MAP10: variants seen among roughly 807,000 people sequenced by gnomAD.
MAP10 encodes microtubule associated protein 10.
Under a neutral mutation model 6.3 loss-of-function variants are expected in MAP10, and 10 were observed. That is an observed-to-expected ratio of 1.58 (90% confidence interval 0.98 to 2.69). The LOEUF (loss-of-function observed/expected upper bound fraction) is 2.69, where lower values mean the gene tolerates loss of function less well. Ranked by LOEUF, MAP10 falls within the 30% of genes most tolerant of loss-of-function variation. The pLI is 0.00. For missense variants in MAP10, 1,189 were observed against 1,086.5 expected, an observed-to-expected ratio of 1.09 and a Z score of -1.33; for synonymous variants, 459 against 429.3, an observed-to-expected ratio of 1.07 and a Z score of -0.86.
chr1:232,807,220 GA>G, the MAP10 span: 1 of 1,613,522 alleles, frequency 6.2e-7, no homozygotes, highest in Non-Finnish European at 8.5e-7. Flanking sequence ...CACAAGTAAA[GA>G]AACTAAACTG....
rs1045493473 is a variant in MAP10 at position 232,805,488 on chromosome 1, G to C, written c.39G>C (p.Glu13Asp). 6.3e-7 allele frequency: 1 copy of C among 1,584,362 alleles called. No individual in the cohort carries two copies. Among genetic ancestry groups the C allele is most frequent in the South Asian group, 1.1e-5 (1 of 87,780 alleles). The change falls in exon 1 of 1, where the codon GAG becomes GAC. Residue 13 changes from glutamate (E) to aspartate (D), a missense_variant. Transcript: ENST00000418460. ...TGTCCGAGCGGCTCTTCTCGCTGGA[G>C]CTGCTGGTGGACTGGGTGCGTTTGG... The part of the protein sequence containing the change: ...ASLSERLFSL[E>D]LLVDWVRLEA...
chr1:232,807,344 C>G lies in MAP10; in HGVS notation c.1895C>G (p.Pro632Arg), dbSNP rs756241535. 1.2e-6 allele frequency: 2 copies of G among 1,613,736 alleles called. No homozygotes were observed. The highest frequency in any genetic ancestry group is 2.2e-5 in the East Asian group (1 of 44,882). ...ANSIIPERLT[P>R]TNILGGNVEM... ...TCCATTATTCCAGAAAGGCTTACCC[C>G]TACAAATATTCTGGGAGGAAATGTG... The change falls in exon 1 of 1, where the codon CCT becomes CGT. Residue 632 changes from proline to arginine, a missense_variant. Pro to Arg is a moderately radical substitution (Grantham distance 103, BLOSUM62 -2). Transcript: ENST00000418460.
Position 232,808,646 on chromosome 1 carries a change from A to G in MAP10, c.*479A>G, listed in dbSNP as rs12058125. Among the ~76,000 whole-genome samples, 277 of 152,314 alleles carry G rather than the reference A, an allele frequency of 1.8e-3. 1 individual carries two copies. The highest frequency in any genetic ancestry group is 6.2e-3 in the African/African-American group (259 of 41,584). On this transcript the variant is annotated 3_prime_UTR_variant, in exon 1 of 1. Coordinates refer to ENST00000418460, the MANE Select transcript of MAP10 (RefSeq NM_019090.3). ...ATGTAGATAAGAAGTCTTCCTTGAC[A>G]TATACATATCCCATATCCCCAATAG...
rs745431629 is a variant in MAP10, at chr1:232,807,712, A to G, written c.2263A>G (p.Ser755Gly). ...SDTGVSKKKN[S>G]SDRSSILSPP... is the part of the protein sequence containing the mutation. ...CACAGGAGTGTCCAAAAAGAAAAAT[A>G]GTAGTGACAGGAGTTCTATCCTTAG... Residue 755 changes from serine (S) to glycine (G), a missense_variant, in exon 1 of 1, where the codon AGT (serine) becomes GGT (glycine). Transcript: ENST00000418460. 11 of 1,613,674 alleles carry G rather than the reference A, an allele frequency of 6.8e-6. No individual in the cohort carries two copies. Among genetic ancestry groups the G allele is most frequent in the Non-Finnish European group, 7.6e-6 (9 of 1,179,772 alleles).
chr1:232,808,045 GATAGCAGT>G, the MAP10 span: 1 of 1,612,944 alleles, frequency 6.2e-7, no homozygotes, highest in South Asian at 1.1e-5. Flanking sequence ...TAATGTCCTG[GATAGCAGT>G]ACATCAGATC....
chr1:232,808,082 A>G lies in MAP10; in HGVS notation c.2633A>G (p.Asp878Gly). 1 of 1,605,466 alleles carries G rather than the reference A, an allele frequency of 6.2e-7. No individual in the cohort carries two copies. The highest frequency in any genetic ancestry group is 1.1e-5 in the South Asian group (1 of 89,862). ...TCAGATCACTTTGAAGAAGGCAATG[A>G]TGATGTTGGTTCACTAAATATTTCC... ...STSDHFEEGNDDVGSLNISKQ... is the reference protein window; with the variant it reads ...STSDHFEEGNGDVGSLNISKQ... Residue 878 changes from aspartate (D) to glycine (G), a missense_variant, in exon 1 of 1, where the codon GAT becomes GGT. Transcript: ENST00000418460.
In MAP10 at chr1:232,806,128, C is replaced by CTTT. The variant is rs1666097538; in HGVS notation, c.679_680insTTT (p.Pro227delinsLeuSer). The CTTT allele has an allele frequency of 3.7e-6, 6 of 1,613,852 alleles. No individual in the cohort carries two copies. Among genetic ancestry groups the CTTT allele is most frequent in the Admixed American group, 1.7e-5 (1 of 60,006 alleles). Reference sequence around the variant, plus strand: ...GCAGCAGCCAGCCTCACAGCCAAGCCCAAAAGAGGCTGATAAGCCGCTGGG... The same window carrying CTTT: ...GCAGCAGCCAGCCTCACAGCCAAGCCTTTCAAAAGAGGCTGATAAGCCGCTGGG... On this transcript the variant is annotated protein_altering_variant, in exon 1 of 1. Transcript: ENST00000418460.
rs1666142933 is a variant in MAP10, at chr1:232,808,292, C to A, written c.*125C>A. On this transcript the variant is annotated 3_prime_UTR_variant, in exon 1 of 1. Transcript: ENST00000418460. ...AAAGAAATATGAATTAACGTTATTC[C>A]TTTGATGTTTAAATGGTATTTTACC... The A allele has an allele frequency of 1.7e-5, 9 of 541,546 alleles. No individual in the cohort carries two copies. The highest frequency in any genetic ancestry group is 3.2e-6 in the Non-Finnish European group (1 of 314,674). 33.5% of individuals were successfully genotyped at this position (541,546 alleles called of 1,614,324 possible).
rs775069645 is a variant in MAP10 at position 232,806,543 on chromosome 1, T to A, written c.1094T>A (p.Met365Lys). 1.2e-6 allele frequency: 2 copies of A among 1,613,858 alleles called. No individual in the cohort carries two copies. Among genetic ancestry groups the A allele is most frequent in the East Asian group, 4.5e-5 (2 of 44,896 alleles). The part of the protein sequence containing the change: ...PSSAAHEHPP[M>K]LVNPPHIQNI... ...TCTGCAGCACACGAACATCCTCCAATGCTTGTAAATCCTCCACATATTCAG... is the reference window on the plus strand; with the variant it reads ...TCTGCAGCACACGAACATCCTCCAAAGCTTGTAAATCCTCCACATATTCAG... The change falls in exon 1 of 1, where the codon ATG becomes AAG. Residue 365 changes from methionine to lysine, a missense_variant. Coordinates refer to ENST00000418460, the MANE Select transcript of MAP10 (RefSeq NM_019090.3).
Position 232,808,095 on chromosome 1 carries a change from A to G in MAP10, c.2646A>G (p.Ser882=). 1 of 1,597,586 alleles carries G rather than the reference A, an allele frequency of 6.3e-7. No individual in the cohort carries two copies. The highest frequency in any genetic ancestry group is 8.6e-7 in the Non-Finnish European group (1 of 1,167,598). The change falls in exon 1 of 1, where the codon TCA becomes TCG. Residue 882 remains serine, a synonymous_variant. Transcript: ENST00000418460. The stretch of plus-strand genomic sequence containing the variant: ...AAGAAGGCAATGATGATGTTGGTTC[A>G]CTAAATATTTCCAAGCAATGCAAAG... The part of the protein sequence containing the change: ...HFEEGNDDVG[S]LNISKQCKDI...
rs1054482954 is a variant in MAP10 at position 232,806,956 on chromosome 1, C to G, written c.1507C>G (p.Leu503Val). ...GRLLYGLTNT[L>V]RLRLKLTNPD... ...GCTACTTTATGGCTTAACAAATACA[C>G]TAAGACTACGTTTAAAGCTGACAAA... Residue 503 changes from leucine (L) to valine (V), a missense_variant, in exon 1 of 1, where the codon CTA (leucine) becomes GTA (valine). Leu to Val is a conservative substitution (Grantham distance 32, BLOSUM62 1). Coordinates refer to ENST00000418460, the MANE Select transcript of MAP10 (RefSeq NM_019090.3). 3 of 1,612,324 alleles carry G rather than the reference C, an allele frequency of 1.9e-6. No homozygotes were observed. Among genetic ancestry groups the G allele is most frequent in the South Asian group, 2.2e-5 (2 of 90,600 alleles).
Position 232,806,777 on chromosome 1 carries a change from G to C in MAP10, c.1328G>C (p.Cys443Ser). 1 of 1,613,800 alleles carries C rather than the reference G, an allele frequency of 6.2e-7. No homozygotes were observed. Among genetic ancestry groups the C allele is most frequent in the Non-Finnish European group, 8.5e-7 (1 of 1,179,848 alleles). Residue 443 changes from cysteine to serine, a missense_variant, in exon 1 of 1, where the codon TGC becomes TCC. Coordinates refer to ENST00000418460, the MANE Select transcript of MAP10 (RefSeq NM_019090.3). ...CCCGAATCTTCTGCCAAATCCACAT[G>C]CCGGTCTGAAGCCAAGAAGGATAAG... ...KSPESSAKST[C>S]RSEAKKDKRS... is the part of the protein sequence containing the mutation.
chr1:232,807,880 C>T, the MAP10 span: 1 of 1,613,442 alleles, frequency 6.2e-7, no homozygotes. Flanking sequence ...AAAAGAAAAC[C>T]AGATAGATCA....
Position 232,808,216 on chromosome 1 carries a change from G to A in MAP10, c.*49G>A. 1 of 1,255,620 alleles carries A rather than the reference G, an allele frequency of 8.0e-7. No individual in the cohort carries two copies. Among genetic ancestry groups the A allele is most frequent in the South Asian group, 2.5e-5 (1 of 40,650 alleles). The allele number at this position is 1,255,620 out of a possible 1,614,324, so 77.8% of individuals were successfully genotyped here. A position where few individuals can be genotyped will look rare whatever the true frequency, so the allele number is the denominator to read the frequency against. On this transcript the variant is annotated 3_prime_UTR_variant, in exon 1 of 1. Transcript: ENST00000418460. Reference sequence around the variant, plus strand: ...TCAAGGACCTATGTGTACTGTTAGTGAAAAAAATTTTAAAGCTGTTTTAGT... The same window carrying A: ...TCAAGGACCTATGTGTACTGTTAGTAAAAAAAATTTTAAAGCTGTTTTAGT...
rs1439503885 is a variant in MAP10, at chr1:232,806,016, G to A, written c.567G>A (p.Leu189=). 6.2e-7 allele frequency: 1 copy of A among 1,613,752 alleles called. No homozygotes were observed. The highest frequency in any genetic ancestry group is 2.2e-5 in the East Asian group (1 of 44,876). ...YRLTDLGSRL[L]SQLERPLTFT... is the part of the protein sequence containing the mutation. Reference sequence around the variant, plus strand: ...TGACTGACCTGGGAAGCCGCCTGCTGAGCCAACTTGAGCGGCCCCTCACCT... The same window carrying A: ...TGACTGACCTGGGAAGCCGCCTGCTAAGCCAACTTGAGCGGCCCCTCACCT... Residue 189 remains leucine, a synonymous_variant, in exon 1 of 1, where the codon CTG becomes CTA. Transcript: ENST00000418460.
In MAP10 at chr1:232,807,389, C is replaced by T. The variant is rs1666125647; in HGVS notation, c.1940C>T (p.Pro647Leu). 1 of 1,613,850 alleles carries T rather than the reference C, an allele frequency of 6.2e-7. No homozygotes were observed. The highest frequency in any genetic ancestry group is 2.2e-5 in the East Asian group (1 of 44,868). The change falls in exon 1 of 1, where the codon CCA becomes CTA. Residue 647 changes from proline (P) to leucine (L), a missense_variant. Pro to Leu is a moderately conservative substitution (Grantham distance 98, BLOSUM62 -3). Coordinates refer to ENST00000418460, the MANE Select transcript of MAP10 (RefSeq NM_019090.3). ...AATGTGGAAATGAAAATCCAAAGTC[C>T]ATGTGTTTTCCAACAGGATGCTGTT... is the stretch of plus-strand genomic sequence containing the variant. ...GGNVEMKIQS[P>L]CVFQQDAVVD...
chr1:232,805,527 G>A lies in MAP10; in HGVS notation c.78G>A (p.Leu26=), dbSNP rs1666077282. The part of the protein sequence containing the change: ...VDWVRLEARL[L]PSPAAAVEQE... Reference sequence around the variant, plus strand: ...GGGTGCGTTTGGAAGCCCGGCTGCTGCCGTCCCCCGCTGCCGCAGTGGAGC... The same window carrying A: ...GGGTGCGTTTGGAAGCCCGGCTGCTACCGTCCCCCGCTGCCGCAGTGGAGC... The change falls in exon 1 of 1, where the codon CTG becomes CTA. Residue 26 remains leucine, a synonymous_variant. Transcript: ENST00000418460. 1 of 1,563,894 alleles carries A rather than the reference G, an allele frequency of 6.4e-7. No homozygotes were observed. The highest frequency in any genetic ancestry group is 1.2e-5 in the South Asian group (1 of 85,830).
At position 232,807,700 on chromosome 1, in the gene MAP10, A is replaced by C. The variant is rs1666133052; in HGVS notation, c.2251A>C (p.Lys751Gln). The C allele has an allele frequency of 1.2e-6, 2 of 1,613,536 alleles. No homozygotes were observed. Among genetic ancestry groups the C allele is most frequent in the Non-Finnish European group, 1.7e-6 (2 of 1,179,736 alleles). ...TSKSSDTGVS[K>Q]KKNSSDRSSI... The stretch of plus-strand genomic sequence containing the variant: ...CAAGTCTAGTGACACAGGAGTGTCC[A>C]AAAAGAAAAATAGTAGTGACAGGAG... Residue 751 changes from lysine to glutamine, a missense_variant, in exon 1 of 1, where the codon AAA (lysine) becomes CAA (glutamine). By Grantham distance (53) the Lys-to-Gln change is moderately conservative. Transcript: ENST00000418460.
chr1:232,806,956 C>T lies in MAP10; in HGVS notation c.1507C>T (p.Leu503=). Residue 503 remains leucine (L), a synonymous_variant, in exon 1 of 1, where the codon CTA becomes TTA. Coordinates refer to ENST00000418460, the MANE Select transcript of MAP10 (RefSeq NM_019090.3). The stretch of plus-strand genomic sequence containing the variant: ...GCTACTTTATGGCTTAACAAATACA[C>T]TAAGACTACGTTTAAAGCTGACAAA... ...GRLLYGLTNT[L]RLRLKLTNPD... is the part of the protein sequence containing the mutation. 6.2e-7 allele frequency: 1 copy of T among 1,612,442 alleles called. No homozygotes were observed. Among genetic ancestry groups the T allele is most frequent in the Non-Finnish European group, 8.5e-7 (1 of 1,179,516 alleles).
Sources: gnomAD v4.1 joint callset for allele counts (sites outside exome capture counted in the v4.1 genomes callset) on GRCh38, gnomAD v4.1.1 for gene constraint, MANE v1.5 for transcripts, NCBI Gene and HGNC (gene_info 2026-07-23, HGNC 2026-07-21) for gene names.